The following RBFOX1 variants were observed in gnomAD, a reference collection of about 807,000 sequenced individuals.
RBFOX1 encodes RNA binding protein fox-1 homolog 1.
Under a neutral mutation model 57.7 loss-of-function variants are expected in RBFOX1, and 8 were observed. The ratio of observed to expected loss-of-function variants is 0.14; its 90% CI spans 0.08 to 0.25. The LOEUF (loss-of-function observed/expected upper bound fraction) is 0.25, where lower values mean the gene tolerates loss of function less well. Among genes scored for constraint, RBFOX1 ranks in the 10% least tolerant of loss-of-function variants. The pLI is 1.00. For missense variants in RBFOX1, 611 were observed against 548.5 expected (o/e 1.11, Z -1.14); for synonymous variants, 326 against 222.4 (o/e 1.47, Z -4.15).
intron 1 of RBFOX1, among the ~76,000 whole-genome samples, chr16:5,445,614 G>A (rs1223952462): frequency 6.6e-6 from 1 of 152,196 alleles, no homozygotes; most frequent in African/African-American, 2.4e-5. Context: ...TAATCCCCAT[G>A]AGCTACGCTA....
chr16:5,458,906 C>T (rs2068709892), intron 1 of RBFOX1, among the ~76,000 whole-genome samples: 1 of 152,178 alleles, frequency 6.6e-6, no homozygotes, highest in South Asian at 2.1e-4. Context: ...TAATGGATCT[C>T]ATAGTCTTGT....
intron 3 of RBFOX1, among the ~76,000 whole-genome samples, chr16:6,797,433 G>C (rs1288961589): frequency 6.6e-6 from 1 of 152,090 alleles, no homozygotes; most frequent in Non-Finnish European, 1.5e-5. Flanking sequence ...TTGCTTTGTT[G>C]CGCAATAACA....
intron 4 of RBFOX1, among the ~76,000 whole-genome samples, chr16:7,327,804 C>T (rs1004048343): frequency 3.0e-4 from 40 of 131,296 alleles, no homozygotes; most frequent in Non-Finnish European, 5.3e-4. Flanking sequence ...CCCCATTAAA[C>T]AATATTACCT....
Position 7,692,989 on chromosome 16 carries a change from C to G in RBFOX1, c.996-16067C>G, listed in dbSNP as rs372023420. ...TTAGTCCCATTTTAAAAAGTAATCT[C>G]TTTAGCATAGAAAGTCATATGAGCA... On this transcript the variant is annotated intron_variant, in intron 14 of 15. Coordinates refer to ENST00000550418, the MANE Select transcript of RBFOX1 (RefSeq NM_018723.4). Among the ~76,000 whole-genome samples, 32 of 152,178 alleles carry G rather than the reference C, an allele frequency of 2.1e-4. 1 individual carries two copies. The South Asian group carries it at 6.4e-3, about 31-fold the overall frequency.
intron 3 of RBFOX1, among the ~76,000 whole-genome samples, chr16:6,828,478 C>G (rs1049198055): frequency 6.6e-6 from 1 of 151,650 alleles, no homozygotes; most frequent in African/African-American, 2.4e-5. Flanking sequence ...CAGTCGACAT[C>G]ACGCCATTGC....
At chr16:7,166,284 G>T (rs926067630) in intron 4 of RBFOX1, among the ~76,000 whole-genome samples, 1 of 151,992 alleles carries the variant, frequency 6.6e-6, no homozygotes, top group African/African-American at 2.4e-5. Flanking sequence ...CAAGTGCTGG[G>T]ATTATAGGCG....
intron 2 of RBFOX1, among the ~76,000 whole-genome samples, chr16:5,510,389 G>A (rs1226451521): frequency 6.6e-6 from 1 of 152,160 alleles, no homozygotes; most frequent in African/African-American, 2.4e-5. Context: ...TCATCCATTT[G>A]GAACTGGGAG....
At chr16:6,676,946 G>C (rs2057828264) in intron 3 of RBFOX1, among the ~76,000 whole-genome samples, 1 of 151,850 alleles carries the variant, frequency 6.6e-6, no homozygotes, top group African/African-American at 2.4e-5. Context: ...AAAGTGCTGG[G>C]ATTACAGGCA....
chr16:6,770,213 G>T (rs2078057661), intron 3 of RBFOX1, among the ~76,000 whole-genome samples: 1 of 152,124 alleles, frequency 6.6e-6, no homozygotes, highest in African/African-American at 2.4e-5. Flanking sequence ...GAGAACTACA[G>T]AATTTTTTGG....
At chr16:6,811,869 A>C (rs1177689775) in intron 3 of RBFOX1, among the ~76,000 whole-genome samples, 1 of 152,340 alleles carries the variant, frequency 6.6e-6, no homozygotes, top group East Asian at 1.9e-4. Flanking sequence ...AGCCTGGGCA[A>C]CACGAGTGAA....
Position 5,665,299 on chromosome 16 carries a change from A to G in RBFOX1, c.318+66338A>G, listed in dbSNP as rs79578631. On this transcript the variant is annotated intron_variant, in intron 3 of 19. Transcript: ENST00000641259. Reference sequence around the variant, plus strand: ...TTTGCATCCATGTCCCCTCTGCCCCAAATAGTCTGCCTCTTGCTTTCCAAG... The same window carrying G: ...TTTGCATCCATGTCCCCTCTGCCCCGAATAGTCTGCCTCTTGCTTTCCAAG... Among the ~76,000 whole-genome samples, 1,123 of 152,108 alleles carry G rather than the reference A, an allele frequency of 7.4e-3. 12 individuals carry two copies. Among genetic ancestry groups the G allele is most frequent in the African/African-American group, 0.025 (1,045 of 41,464 alleles).
At chr16:5,360,442 G>C in intron 1 of RBFOX1, among the ~76,000 whole-genome samples, 1 of 152,224 alleles carries the variant, frequency 6.6e-6, no homozygotes, top group East Asian at 1.9e-4. Context: ...CTGGCTTGCC[G>C]GGAGGCTTCC....
At chr16:5,478,114 C>G (rs1410300386) in intron 2 of RBFOX1, among the ~76,000 whole-genome samples, 1 of 152,152 alleles carries the variant, frequency 6.6e-6, no homozygotes, top group Non-Finnish European at 1.5e-5. Context: ...GGGAAGCAGC[C>G]AAACATTCCC....
intron 2 of RBFOX1, among the ~76,000 whole-genome samples, chr16:6,542,218 G>A (rs922692032): frequency 1.3e-5 from 2 of 151,978 alleles, no homozygotes; most frequent in Non-Finnish European, 2.9e-5. Context: ...GAGCTACTTT[G>A]CCCCACCAAC....
chr16:7,344,018 T>G (rs1448134233), intron 4 of RBFOX1, among the ~76,000 whole-genome samples: 1 of 152,016 alleles, frequency 6.6e-6, no homozygotes, highest in Non-Finnish European at 1.5e-5. Flanking sequence ...TTGAGTGTTT[T>G]CTATATAGGG....
intron 3 of RBFOX1, among the ~76,000 whole-genome samples, chr16:6,957,958 C>A (rs918530840): frequency 6.6e-6 from 1 of 152,122 alleles, no homozygotes; most frequent in African/African-American, 2.4e-5. Context: ...TCACTTCCAG[C>A]ATATTCTCTT....
intron 4 of RBFOX1, among the ~76,000 whole-genome samples, chr16:7,151,484 C>G (rs909734960): frequency 3.3e-5 from 5 of 152,134 alleles, no homozygotes; most frequent in African/African-American, 9.7e-5. Flanking sequence ...TGACTTCATT[C>G]TGGAGCAGAT....
chr16:6,391,727 T>A (rs899767123), intron 2 of RBFOX1, among the ~76,000 whole-genome samples: 2 of 152,118 alleles, frequency 1.3e-5, no homozygotes, highest in African/African-American at 2.4e-5. Flanking sequence ...CAGAATTTAT[T>A]TGTGGACCAG....
intron 4 of RBFOX1, among the ~76,000 whole-genome samples, chr16:5,904,820 A>G (rs540795444): frequency 1.4e-4 from 21 of 151,618 alleles, no homozygotes; most frequent in South Asian, 6.3e-4. Flanking sequence ...TACTAAAAAT[A>G]CAAAAAGTTA....
Sources: gnomAD v4.1 joint callset for allele counts (sites outside exome capture counted in the v4.1 genomes callset) on GRCh38, gnomAD v4.1.1 for gene constraint, MANE v1.5 for transcripts, NCBI Gene and HGNC (gene_info 2026-07-23, HGNC 2026-07-21) for gene names.